Variants in AGBL4 observed in about 807,000 individuals in gnomAD.
The protein encoded by AGBL4 is cytosolic carboxypeptidase 6.
Under a neutral mutation model 66.4 loss-of-function variants are expected in AGBL4, and 58 were observed. The observed-to-expected ratio is 0.87, with a 90% CI of 0.71 to 1.09. The LOEUF (loss-of-function observed/expected upper bound fraction) is 1.09. Ranked by LOEUF, AGBL4 falls within the 50% of genes least tolerant of loss-of-function variation. The pLI is 0.00. For synonymous variants in AGBL4, 234 were observed against 222.9 expected (o/e 1.05, Z -0.44); for missense variants, 579 against 631.0 (o/e 0.92, Z 0.88).
intron 4 of AGBL4, among the ~76,000 whole-genome samples, chr1:49,085,012 C>A (rs1313205986): frequency 6.6e-6 from 1 of 151,998 alleles, no homozygotes; most frequent in Non-Finnish European, 1.5e-5. Context: ...GGGATGCTGA[C>A]AGCTAGTGAA....
At chr1:48,685,442 T>G (rs776672403) in intron 6 of AGBL4, among the ~76,000 whole-genome samples, 1 of 151,882 alleles carries the variant, frequency 6.6e-6, no homozygotes, top group Non-Finnish European at 1.5e-5. Context: ...ATTCCAGGAG[T>G]CATGACCCCC....
At chr1:49,766,809 C>A (rs1420758416) in intron 2 of AGBL4, among the ~76,000 whole-genome samples, 1 of 151,984 alleles carries the variant, frequency 6.6e-6, no homozygotes, top group African/African-American at 2.4e-5. Flanking sequence ...ATAAAATAGA[C>A]TTTAAACTAA....
Position 49,851,518 on chromosome 1 carries a change from C to A in AGBL4, c.35G>T (p.Gly12Val), listed in dbSNP as rs1425505982. The change falls in exon 2 of 14, where the codon GGC (glycine) becomes GTC (valine). Residue 12 changes from glycine (G) to valine (V), a missense_variant and splice_region_variant. Transcript: ENST00000371839. ...AEGSQSAPEA[G>V]NDMGNDDAIG... ...GGCATCATCATTTCCCATATCATTG[C>A]CTATTTAAAAAAATTGAAATAAAAG... is the stretch of plus-strand genomic sequence containing the variant. 13 of 1,542,390 alleles carry A rather than the reference C, an allele frequency of 8.4e-6. No homozygotes were observed. Among genetic ancestry groups the A allele is most frequent in the African/African-American group, 2.8e-5 (2 of 72,446 alleles).
At chr1:48,922,242 C>T (rs1009936516) in intron 5 of AGBL4, among the ~76,000 whole-genome samples, 8 of 152,144 alleles carry the variant, frequency 5.3e-5, no homozygotes, top group Admixed American at 1.3e-4. Context: ...AGACTTTTCT[C>T]ATTTGTTATG....
chr1:49,865,246 C>G (rs935943154), intron 1 of AGBL4, among the ~76,000 whole-genome samples: 2 of 152,196 alleles, frequency 1.3e-5, no homozygotes, highest in African/African-American at 2.4e-5. Flanking sequence ...AGCCCCTCCA[C>G]CAAAGAGCAG....
At chr1:48,604,475 G>A (rs1424107069) in intron 9 of AGBL4, among the ~76,000 whole-genome samples, 1 of 151,980 alleles carries the variant, frequency 6.6e-6, no homozygotes, top group Non-Finnish European at 1.5e-5. Flanking sequence ...TTTCCCCCAT[G>A]TAATCATGTG....
At chr1:49,788,653 C>A (rs1349931432) in intron 2 of AGBL4, among the ~76,000 whole-genome samples, 1 of 151,894 alleles carries the variant, frequency 6.6e-6, no homozygotes, top group Non-Finnish European at 1.5e-5. Flanking sequence ...ATGAAATGGG[C>A]TGAAAAACAG....
At chr1:49,750,998 G>A (rs769639461) in intron 2 of AGBL4, among the ~76,000 whole-genome samples, 5 of 152,260 alleles carry the variant, frequency 3.3e-5, no homozygotes, top group Admixed American at 6.5e-5. Flanking sequence ...CTGAGATGAT[G>A]GAGTTTTCTA....
At chr1:49,849,913 G>A (rs1646263406) in intron 2 of AGBL4, among the ~76,000 whole-genome samples, 1 of 152,026 alleles carries the variant, frequency 6.6e-6, no homozygotes, top group African/African-American at 2.4e-5. Flanking sequence ...TATTGTAAAG[G>A]GTCCTTATGT....
At chr1:49,065,357 A>T (rs1192247877) in intron 4 of AGBL4, among the ~76,000 whole-genome samples, 1 of 152,260 alleles carries the variant, frequency 6.6e-6, no homozygotes, top group Non-Finnish European at 1.5e-5. Context: ...CTGAATTTTG[A>T]CAGTGGGATA....
intron 3 of AGBL4, among the ~76,000 whole-genome samples, chr1:49,356,668 A>C (rs1350068057): frequency 6.6e-6 from 1 of 152,204 alleles, no homozygotes; most frequent in Middle Eastern, 3.2e-3. Context: ...AGGCAACATC[A>C]GGATTGATGG....
intron 6 of AGBL4, among the ~76,000 whole-genome samples, chr1:48,790,828 T>C (rs760796215): frequency 6.6e-6 from 1 of 152,316 alleles, no homozygotes; most frequent in African/African-American, 2.4e-5. Flanking sequence ...GGCACAAGCC[T>C]GTAGTCCCAG....
Position 48,768,115 on chromosome 1 carries a change from C to T in AGBL4, c.634+99076G>A, listed in dbSNP as rs1319246910. On this transcript the variant is annotated intron_variant, in intron 6 of 13. Coordinates refer to ENST00000371839, the MANE Select transcript of AGBL4 (RefSeq NM_032785.4). ...CTGTTCCTATCACCTAATTATCCTA[C>T]AGCAACAAGAGAAAAATAAGGAAGT... 2.0e-5 allele frequency among the ~76,000 whole-genome samples: 3 copies of T among 152,164 alleles called. No individual in the cohort carries two copies. In the East Asian group the frequency reaches 5.8e-4, roughly 29 times the overall value.
intron 4 of AGBL4, among the ~76,000 whole-genome samples, chr1:49,116,129 T>C (rs1289670045): frequency 2.0e-5 from 3 of 152,326 alleles, no homozygotes; most frequent in Admixed American, 2.0e-4. Flanking sequence ...TAAGTATGTT[T>C]TTTAAAGCTC....
At chr1:49,072,198 A>G (rs1557616550) in intron 4 of AGBL4, among the ~76,000 whole-genome samples, 2 of 152,076 alleles carry the variant, frequency 1.3e-5, no homozygotes, top group Non-Finnish European at 2.9e-5. Context: ...TCTGTATCCA[A>G]TTTGCCAGTG....
intron 4 of AGBL4, among the ~76,000 whole-genome samples, chr1:49,108,828 C>T (rs1645349318): frequency 6.6e-6 from 1 of 152,136 alleles, no homozygotes; most frequent in South Asian, 2.1e-4. Context: ...ACTCTTCACC[C>T]TACAGCATTT....
chr1:49,133,099 G>A (rs1209955367), intron 4 of AGBL4, among the ~76,000 whole-genome samples: 1 of 152,200 alleles, frequency 6.6e-6, no homozygotes, highest in East Asian at 1.9e-4. Flanking sequence ...GGACATGGAT[G>A]AAGCTAGAAA....
Position 49,948,027 on chromosome 1 carries a change from A to AT in AGBL4, c.34+75735_34+75736insA, listed in dbSNP as rs1655491900. On this transcript the variant is annotated intron_variant, in intron 1 of 13. Transcript: ENST00000371839. ...ATATATAAATATATAAATATATATA[A>AT]ATATATATACATATAAATATATAAA... 1.5e-3 allele frequency among the ~76,000 whole-genome samples: 115 copies of AT among 75,834 alleles called. 6 individuals carry two copies. Among genetic ancestry groups the AT allele is most frequent in the African/African-American group, 7.3e-3 (105 of 14,406 alleles). 49.8% of individuals were successfully genotyped at this position (75,834 alleles called of 152,430 possible).
intron 4 of AGBL4, among the ~76,000 whole-genome samples, chr1:49,143,904 G>T (rs1646165629): frequency 6.6e-6 from 1 of 152,252 alleles, no homozygotes; most frequent in South Asian, 2.1e-4. Flanking sequence ...AGACTGAGCT[G>T]GTTCTCTAGT....
Sources: allele counts gnomAD v4.1 joint callset (sites outside exome capture counted in the v4.1 genomes callset), GRCh38; gene constraint gnomAD v4.1.1; transcripts MANE v1.5; gene names NCBI Gene and HGNC (gene_info 2026-07-23, HGNC 2026-07-21).